Variants in MDGA2 observed in about 807,000 individuals in gnomAD.
The protein encoded by MDGA2 is MAM domain containing glycosylphosphatidylinositol anchor 2, also known as MAM domain-containing glycosylphosphatidylinositol anchor protein 2.
Under a neutral mutation model 117.8 loss-of-function variants are expected in MDGA2, and 40 were observed. The ratio of observed to expected loss-of-function variants is 0.34; its 90% CI spans 0.26 to 0.44. The LOEUF (loss-of-function observed/expected upper bound fraction) is 0.44, where lower values mean the gene tolerates loss of function less well. MDGA2 is among the 20% of genes least tolerant of loss of function. MDGA2 has a pLI of 1.00. For missense variants in MDGA2, 1,123 were observed against 1,250.6 expected (o/e 0.90, Z 1.54); for synonymous variants, 452 against 439.0 (o/e 1.03, Z -0.37).
chr14:47,370,079 T>C (rs1451494308), intron 1 of MDGA2, among the ~76,000 whole-genome samples: 1 of 152,028 alleles, frequency 6.6e-6, no homozygotes, highest in African/African-American at 2.4e-5. Flanking sequence ...TTTCGTTTTT[T>C]TCTCAAATGG....
chr14:46,964,618 C>G (rs760413016), intron 8 of MDGA2, among the ~76,000 whole-genome samples: 3 of 152,110 alleles, frequency 2.0e-5, no homozygotes, highest in Non-Finnish European at 4.4e-5. Flanking sequence ...AGTTAATGAA[C>G]AGCATATTGT....
At chr14:47,014,800 T>C (rs192621089) in intron 8 of MDGA2, among the ~76,000 whole-genome samples, 10 of 152,292 alleles carry the variant, frequency 6.6e-5, no homozygotes, top group Non-Finnish European at 1.2e-4. Flanking sequence ...ATAAAGCATT[T>C]TGCTTTCTTA....
chr14:46,873,571 T>A lies in MDGA2; in HGVS notation c.2614A>T (p.Thr872Ser), dbSNP rs747148813. 1 of 1,612,194 alleles carries A rather than the reference T, an allele frequency of 6.2e-7. No homozygotes were observed. The change falls in exon 14 of 17, where the codon ACA (threonine) becomes TCA (serine). Residue 872 changes from threonine to serine, a missense_variant. Around this residue, in one of 2 missense-constraint regions of MDGA2, gnomAD observed 890 missense variants for 1,050.3 expected, o/e 0.85. Transcript: ENST00000399232. Reference sequence around the variant, plus strand: ...TCGCCTTCCAATCTGGGTCGTGATGTCTCAATGTACATATAAAAACCTTAA... The same window carrying A: ...TCGCCTTCCAATCTGGGTCGTGATGACTCAATGTACATATAAAAACCTTAA... ...SKEGFYMYIE[T>S]SRPRLEGEKA... is the part of the protein sequence containing the mutation.
chr14:46,933,009 A>G lies in MDGA2; in HGVS notation c.2090-12849T>C, dbSNP rs77910490. Among the ~76,000 whole-genome samples the G allele has an allele frequency of 1.1e-3, 172 of 152,238 alleles. 3 individuals carry two copies. In the East Asian group the frequency reaches 0.029, roughly 25 times the overall value. ...ATATGGACATTAAAATTAACAATAC[A>G]ATATAATTTATGTTCATTAAAAATA... On this transcript the variant is annotated intron_variant, in intron 9 of 16. Transcript: ENST00000399232.
Position 47,121,943 on chromosome 14 carries a change from G to T in MDGA2, c.925+9771C>A, listed in dbSNP as rs991144504. 3.9e-5 allele frequency among the ~76,000 whole-genome samples: 6 copies of T among 152,034 alleles called. No individual in the cohort carries two copies. In the East Asian group the frequency reaches 5.9e-4, roughly 15 times the overall value. Reference sequence around the variant, plus strand: ...ATCATGTAAGCCCCATGTATAAAAGGATAATAGCACAATCAGGTATTAATC... The same window carrying T: ...ATCATGTAAGCCCCATGTATAAAAGTATAATAGCACAATCAGGTATTAATC... On this transcript the variant is annotated intron_variant, in intron 5 of 16. Coordinates refer to ENST00000399232, the MANE Select transcript of MDGA2 (RefSeq NM_001113498.3).
intron 1 of MDGA2, among the ~76,000 whole-genome samples, chr14:47,597,802 G>A (rs1896571508): frequency 6.7e-6 from 1 of 149,058 alleles, no homozygotes; most frequent in Non-Finnish European, 1.5e-5. Context: ...TAAATATATG[G>A]AAGATTCCTT....
intron 1 of MDGA2, among the ~76,000 whole-genome samples, chr14:47,532,117 T>C (rs1041237571): frequency 1.3e-4 from 20 of 152,046 alleles, no homozygotes; most frequent in African/African-American, 4.6e-4. Flanking sequence ...AGCTACAGAC[T>C]CTTATAATTG....
intron 1 of MDGA2, among the ~76,000 whole-genome samples, chr14:47,636,022 C>T (rs528541414): frequency 6.6e-6 from 1 of 152,092 alleles, no homozygotes; most frequent in African/African-American, 2.4e-5. Context: ...TTTTAAAATG[C>T]TCGAGCAACT....
At chr14:47,052,675 C>G (rs529840103) in intron 7 of MDGA2, among the ~76,000 whole-genome samples, 2 of 151,798 alleles carry the variant, frequency 1.3e-5, no homozygotes, top group Admixed American at 1.3e-4. Flanking sequence ...TTGCAACTAA[C>G]GATGTTTTAA....
chr14:47,457,322 CTGCT>C (rs1428409447), intron 1 of MDGA2, among the ~76,000 whole-genome samples: 7 of 152,268 alleles, frequency 4.6e-5, no homozygotes, highest in African/African-American at 9.6e-5. Flanking sequence ...GACAGGTATA[CTGCT>C]TGAGAGCATG....
chr14:47,561,105 T>C (rs548071743), intron 1 of MDGA2, among the ~76,000 whole-genome samples: 61 of 151,262 alleles, frequency 4.0e-4, no homozygotes, highest in African/African-American at 1.3e-3. Context: ...CCCTATAGTA[T>C]AGTTTGAAAT....
At chr14:47,476,567 A>C (rs759000927) in intron 1 of MDGA2, among the ~76,000 whole-genome samples, 1 of 152,088 alleles carries the variant, frequency 6.6e-6, no homozygotes, top group Admixed American at 6.6e-5. Context: ...ACACAGTGAA[A>C]CTTTTTTTTT....
chr14:47,245,352 C>A (rs543333590), intron 2 of MDGA2, among the ~76,000 whole-genome samples: 1 of 151,752 alleles, frequency 6.6e-6, no homozygotes, highest in Non-Finnish European at 1.5e-5. Context: ...ATACAACATA[C>A]AAAATATGTG....
intron 9 of MDGA2, among the ~76,000 whole-genome samples, chr14:46,941,087 T>C (rs1043766676): frequency 6.6e-6 from 1 of 152,164 alleles, no homozygotes; most frequent in Non-Finnish European, 1.5e-5. Flanking sequence ...AGAAAAAGAA[T>C]AGAGCACAAA....
intron 2 of MDGA2, among the ~76,000 whole-genome samples, chr14:47,232,783 C>A (rs1886734887): frequency 6.6e-6 from 1 of 152,132 alleles, no homozygotes; most frequent in Non-Finnish European, 1.5e-5. Flanking sequence ...ATACTCTTAG[C>A]TGCCTAAGTA....
In MDGA2 at chr14:46,840,348, C is replaced by A. The variant is rs747095916; in HGVS notation, c.*1583G>T. ...ATATAATAATAATATTCTTCTTAGA[C>A]AAAAGTCTTTTTAAATGAAGTTAAA... On this transcript the variant is annotated 3_prime_UTR_variant, in exon 17 of 17. Transcript: ENST00000399232. 11 of 152,030 alleles carry A rather than the reference C, an allele frequency of 7.2e-5. No individual in the cohort carries two copies. The highest frequency in any genetic ancestry group is 1.0e-4 in the Non-Finnish European group (7 of 67,880). 9.4% of individuals were successfully genotyped at this position (152,030 alleles called of 1,614,324 possible).
At chr14:47,634,831 C>T (rs1203612080) in intron 1 of MDGA2, among the ~76,000 whole-genome samples, 1 of 152,052 alleles carries the variant, frequency 6.6e-6, no homozygotes, top group Non-Finnish European at 1.5e-5. Flanking sequence ...TAGAGTCTTC[C>T]ATCTCAATCA....
chr14:46,845,280 A>G (rs932009832), intron 16 of MDGA2, among the ~76,000 whole-genome samples: 1 of 152,164 alleles, frequency 6.6e-6, no homozygotes, highest in South Asian at 2.1e-4. Flanking sequence ...ACCTTCCGCC[A>G]TGATTGTGAG....
Position 47,442,928 on chromosome 14 carries a change from G to A in MDGA2, c.281-141378C>T, listed in dbSNP as rs964014737. 4.6e-5 allele frequency among the ~76,000 whole-genome samples: 7 copies of A among 152,010 alleles called. No homozygotes were observed. In the South Asian group the frequency reaches 1.2e-3, roughly 27 times the overall value. ...TGTTCGGCGTACCCATGTTGTCTAT[G>A]CTACCCACCCTTTAGTCACTTAACC... On this transcript the variant is annotated intron_variant, in intron 1 of 16. Transcript: ENST00000399232.
Sources: allele counts gnomAD v4.1 joint callset (sites outside exome capture counted in the v4.1 genomes callset), GRCh38; gene constraint gnomAD v4.1.1; regional missense constraint gnomAD v4.1.1; transcripts MANE v1.5; gene names NCBI Gene and HGNC (gene_info 2026-07-23, HGNC 2026-07-21).